PLAAT5: variants seen among roughly 807,000 people sequenced by gnomAD.
PLAAT5 encodes the protein Ca(2+)-independent N-acyltransferase.
In PLAAT5, 27 loss-of-function variants were observed where a neutral mutation model predicts 27.8. The ratio of observed to expected loss-of-function variants is 0.97; its 90% CI spans 0.72 to 1.34. PLAAT5 has a LOEUF of 1.34. Among genes scored for constraint, PLAAT5 ranks in the 40% most tolerant of loss-of-function variants. PLAAT5 has a pLI of 0.00. For missense variants in PLAAT5, 368 were observed against 343.8 expected, an observed-to-expected ratio of 1.07 and a Z score of -0.56; for synonymous variants, 125 against 136.1, an observed-to-expected ratio of 0.92 and a Z score of 0.57.
intron 5 of PLAAT5, among the ~76,000 whole-genome samples, chr11:63,464,882 G>A (rs2015815323): frequency 6.6e-6 from 1 of 152,132 alleles, no homozygotes; most frequent in Non-Finnish European, 1.5e-5. Context: ...AGGCAGGTGG[G>A]TGACATACCT....
chr11:63,475,034 A>G (rs2016119527), intron 3 of PLAAT5, among the ~76,000 whole-genome samples: 1 of 152,076 alleles, frequency 6.6e-6, no homozygotes, highest in African/African-American at 2.4e-5. Context: ...CAGGATTTCA[A>G]TCCCTTCAAA....
chr11:63,478,324 T>C (rs1164798557), intron 3 of PLAAT5, among the ~76,000 whole-genome samples: 3 of 151,650 alleles, frequency 2.0e-5, no homozygotes, highest in East Asian at 1.9e-4. Context: ...CAATAGACTT[T>C]CTTTTTTTTT....
In PLAAT5 at chr11:63,466,105, C is replaced by G. The variant is rs757509905; in HGVS notation, c.717+5G>C. 6 of 1,612,570 alleles carry G rather than the reference C, an allele frequency of 3.7e-6. 1 individual carries two copies. In the South Asian group the frequency reaches 6.6e-5, roughly 18 times the overall value. ...AAGCCATCATCAGAGCAAATGGGGTCACACCTGCTGGCTCCGGGGTACGCC... is the reference window on the plus strand; with the variant it reads ...AAGCCATCATCAGAGCAAATGGGGTGACACCTGCTGGCTCCGGGGTACGCC... On this transcript the variant is annotated splice_donor_5th_base_variant and intron_variant, in intron 5 of 5. Transcript: ENST00000540857.
intron 3 of PLAAT5, among the ~76,000 whole-genome samples, chr11:63,475,080 C>G (rs1035772561): frequency 7.2e-5 from 11 of 152,156 alleles, no homozygotes; most frequent in Admixed American, 5.9e-4. Context: ...AGAAGAGGGT[C>G]TACACTGGAA....
chr11:63,486,567 C>CA (rs1179736737), intron 3 of PLAAT5, among the ~76,000 whole-genome samples: 1 of 151,952 alleles, frequency 6.6e-6, no homozygotes, highest in East Asian at 1.9e-4. Context: ...GAATGGAAAA[C>CA]AAAAAAATCA....
At chr11:63,477,249 T>G (rs1236734255) in intron 3 of PLAAT5, among the ~76,000 whole-genome samples, 1 of 152,180 alleles carries the variant, frequency 6.6e-6, no homozygotes, top group Non-Finnish European at 1.5e-5. Flanking sequence ...CCTGTTTCTT[T>G]GCAGGTCTCA....
intron 4 of PLAAT5, among the ~76,000 whole-genome samples, chr11:63,468,112 C>A (rs770543523): frequency 6.6e-6 from 1 of 152,114 alleles, no homozygotes; most frequent in East Asian, 1.9e-4. Flanking sequence ...AAACAAAGGG[C>A]CCTCTAGGAG....
chr11:63,468,246 G>A, intron 4 of PLAAT5, 111 bp downstream of exon 4: 1 of 809,062 alleles, frequency 1.2e-6, no homozygotes, highest in South Asian at 1.6e-5. Context: ...CATGCTTCAA[G>A]GGGTCCCATT....
intron 3 of PLAAT5, among the ~76,000 whole-genome samples, chr11:63,487,691 G>A (rs2016468805): frequency 6.6e-6 from 1 of 152,156 alleles, no homozygotes; most frequent in African/African-American, 2.4e-5. Flanking sequence ...GTACATAAAT[G>A]TTCAAGCAGA....
At chr11:63,486,343 G>A (rs1043868785) in intron 3 of PLAAT5, among the ~76,000 whole-genome samples, 1 of 152,082 alleles carries the variant, frequency 6.6e-6, no homozygotes, top group Admixed American at 6.6e-5. Context: ...CATGTTTATA[G>A]CAGCACAATT....
chr11:63,491,020 C>G lies in PLAAT5; in HGVS notation c.15G>C (p.Pro5=), dbSNP rs1253400736. 3.3e-6 allele frequency: 5 copies of G among 1,499,900 alleles called. No individual in the cohort carries two copies. Among genetic ancestry groups the G allele is most frequent in the Admixed American group, 2.2e-5 (1 of 46,214 alleles). The allele number at this position is 1,499,900 out of a possible 1,614,324, so 92.9% of individuals were successfully genotyped here. The change falls in exon 1 of 6, where the codon CCG becomes CCC. Residue 5 remains proline, a synonymous_variant. Transcript: ENST00000540857. MGLS[P]GAEGEYALRL... ...GGAGCGCGTACTCCCCCTCGGCGCC[C>G]GGGCTCAGGCCCATCCCGCCTCTGC...
intron 3 of PLAAT5, among the ~76,000 whole-genome samples, chr11:63,472,983 G>C (rs994273310): frequency 6.6e-6 from 1 of 151,962 alleles, no homozygotes; most frequent in African/African-American, 2.4e-5. Flanking sequence ...GGTGGCACAC[G>C]CCTGTAGTCC....
At chr11:63,464,467 C>T (rs919386914) in intron 5 of PLAAT5, among the ~76,000 whole-genome samples, 4 of 152,034 alleles carry the variant, frequency 2.6e-5, no homozygotes, top group African/African-American at 9.7e-5. Flanking sequence ...ACCATCCTGA[C>T]CAACATGGTG....
chr11:63,487,678 C>G (rs77927011), intron 3 of PLAAT5, among the ~76,000 whole-genome samples: 3,046 of 152,220 alleles, frequency 0.02, 98 homozygotes, highest in African/African-American at 0.07. Context: ...TGCACAAAGA[C>G]TCGTACATAA....
At chr11:63,490,187 T>C in intron 2 of PLAAT5, 56 bp downstream of exon 2, 1 of 1,611,396 alleles carries the variant, frequency 6.2e-7, no homozygotes, top group Admixed American at 1.7e-5. Context: ...GCATTCCAAG[T>C]CAATTCTCCA....
intron 3 of PLAAT5, among the ~76,000 whole-genome samples, chr11:63,483,782 AAAATATATATATATATATGTATAT>A (rs1428337895): frequency 1.2e-5 from 1 of 80,524 alleles, no homozygotes; most frequent in South Asian, 3.4e-4. Context: ...AAGCAAAAAA[AAAATATATATATATATATGTATAT>A]ATATATATAT....
At chr11:63,489,931 C>G (rs1436618296) in intron 2 of PLAAT5, among the ~76,000 whole-genome samples, 1 of 152,132 alleles carries the variant, frequency 6.6e-6, no homozygotes, top group Admixed American at 6.5e-5. Context: ...TGCCAAAGGC[C>G]GACTCATTGT....
intron 3 of PLAAT5, among the ~76,000 whole-genome samples, chr11:63,477,202 C>G (rs6591806): frequency 0.77 from 116,618 of 152,146 alleles, 45,606 homozygotes; most frequent in Middle Eastern, 0.86. Flanking sequence ...CACTAGGAAA[C>G]AGTCTCTACT....
At chr11:63,487,119 T>C (rs1015023620) in intron 3 of PLAAT5, among the ~76,000 whole-genome samples, 7 of 152,192 alleles carry the variant, frequency 4.6e-5, no homozygotes, top group Admixed American at 1.3e-4. Flanking sequence ...AGCTGACACA[T>C]TGGACTTCAT....
Sources: gnomAD v4.1 joint callset for allele counts (sites outside exome capture counted in the v4.1 genomes callset) on GRCh38, gnomAD v4.1.1 for gene constraint, MANE v1.5 for transcripts, NCBI Gene and HGNC (gene_info 2026-07-23, HGNC 2026-07-21) for gene names.